PSMD5: variants seen among roughly 807,000 people sequenced by gnomAD.
PSMD5 encodes proteasome 26S subunit, non-ATPase 5.
A neutral mutation model predicts 52.1 loss-of-function variants in PSMD5; 40 were observed. The ratio of observed to expected loss-of-function variants is 0.77; its 90% confidence interval spans 0.60 to 1.00. The LOEUF is 1.00. Among genes scored for constraint, PSMD5 ranks in the 50% least tolerant of loss-of-function variants. The pLI is 0.00. For missense variants in PSMD5, 575 were observed against 605.2 expected (o/e 0.95, Z 0.52); for synonymous variants, 211 against 226.6 (o/e 0.93, Z 0.62).
intron 4 of PSMD5, among the ~76,000 whole-genome samples, chr9:120,829,978 G>A (rs181189569): frequency 1.3e-5 from 2 of 152,326 alleles, no homozygotes; most frequent in South Asian, 2.1e-4. Flanking sequence ...CTGACTGCAT[G>A]AGAAGATAGA....
chr9:120,818,797 A>G (rs1314706210), intron 9 of PSMD5, among the ~76,000 whole-genome samples: 4 of 152,006 alleles, frequency 2.6e-5, no homozygotes, highest in Admixed American at 6.6e-5. Flanking sequence ...TTTTGCACCA[A>G]CCTAATGGAA....
intron 7 of PSMD5, among the ~76,000 whole-genome samples, chr9:120,823,915 T>C (rs748666729): frequency 2.0e-5 from 3 of 152,026 alleles, no homozygotes; most frequent in Non-Finnish European, 2.9e-5. Context: ...GCAGTTGTTA[T>C]GCCATTTTTA....
chr9:120,821,517 A>G, intron 7 of PSMD5, 53 bp from the exon 8 acceptor site: 2 of 1,282,256 alleles, frequency 1.6e-6, no homozygotes, highest in Non-Finnish European at 1.1e-6. Context: ...TATACACAAC[A>G]TAAAATTTAC....
chr9:120,830,592 A>G (rs1328740744), intron 4 of PSMD5, among the ~76,000 whole-genome samples: 2 of 152,200 alleles, frequency 1.3e-5, no homozygotes, highest in Admixed American at 1.3e-4. Context: ...GTATGGTATC[A>G]TGACATGCAA....
intron 1 of PSMD5, among the ~76,000 whole-genome samples, chr9:120,838,341 C>T (rs1197558121): frequency 6.6e-6 from 1 of 152,176 alleles, no homozygotes; most frequent in Admixed American, 6.5e-5. Flanking sequence ...ATTTCAGATC[C>T]TATGTGACCC....
intron 2 of PSMD5, among the ~76,000 whole-genome samples, chr9:120,832,510 C>A (rs1379014372): frequency 6.6e-6 from 1 of 151,802 alleles, no homozygotes; most frequent in African/African-American, 2.4e-5. Context: ...GATTCTCCCA[C>A]CTCAGGCTCC....
chr9:120,837,149 A>G (rs1029344154), intron 1 of PSMD5, among the ~76,000 whole-genome samples: 4 of 152,182 alleles, frequency 2.6e-5, no homozygotes, highest in Non-Finnish European at 5.9e-5. Context: ...TTGGCCTCCC[A>G]AAATGCTGGG....
chr9:120,840,304 G>C (rs577580240), intron 1 of PSMD5, among the ~76,000 whole-genome samples: 42 of 151,710 alleles, frequency 2.8e-4, no homozygotes, highest in Middle Eastern at 3.4e-3. Context: ...TTGTTTTGTA[G>C]AGACAGGGTT....
chr9:120,824,602 C>G lies in PSMD5; in HGVS notation c.898G>C (p.Val300Leu). The change falls in exon 7 of 10, where the codon GTC becomes CTC. Residue 300 changes from valine to leucine, a missense_variant. Transcript: ENST00000210313. ...CERYPIFVEK[V>L]FEMIESQDPT... ...TCCTGACTTTCTATCATTTCAAAGA[C>G]TTTTTCCACAAAGATAGGATAACGC... 1 of 1,614,188 alleles carries G rather than the reference C, an allele frequency of 6.2e-7. No individual in the cohort carries two copies.
intron 1 of PSMD5, among the ~76,000 whole-genome samples, chr9:120,838,186 T>C (rs2045210982): frequency 6.6e-6 from 1 of 152,234 alleles, no homozygotes; most frequent in African/African-American, 2.4e-5. Context: ...ACTATCTTAA[T>C]TGTGGCGATG....
intron 1 of PSMD5, among the ~76,000 whole-genome samples, chr9:120,840,103 G>A: frequency 6.9e-6 from 1 of 145,534 alleles, no homozygotes; most frequent in Admixed American, 6.9e-5. Flanking sequence ...CTCCAGCCTG[G>A]GCAACAGAAC....
At chr9:120,841,946 G>A (rs978463279) in intron 1 of PSMD5, 22 of 152,164 alleles carry the variant, frequency 1.4e-4, no homozygotes, top group African/African-American at 5.1e-4. Context: ...AGGTACCTAG[G>A]TTGTTGCCCA....
At chr9:120,833,508 GTAACAACC>G in intron 1 of PSMD5, 52 bp from the exon 2 acceptor site, 3 of 1,550,560 alleles carry the variant, frequency 1.9e-6, no homozygotes, top group Non-Finnish European at 2.6e-6. Context: ...CAGGTAGGAA[GTAACAACC>G]TAATAATAGC....
Position 120,831,350 on chromosome 9 carries a change from A to T in PSMD5, c.542T>A (p.Val181Asp). The T allele has an allele frequency of 6.2e-7, 1 of 1,610,734 alleles. No homozygotes were observed. Among genetic ancestry groups the T allele is most frequent in the Non-Finnish European group, 8.5e-7 (1 of 1,179,034 alleles). The change falls in exon 4 of 10, where the codon GTT (valine) becomes GAT (aspartate). Residue 181 changes from valine (V) to aspartate (D), a missense_variant. Transcript: ENST00000210313. ...LKSVMKTNDI[V>D]RYRVYELIIE... ...TCTTACCTCATACACCCTGTATCGA[A>T]CAATGTCATTTGTTTTCATTACACT...
At chr9:120,824,352 C>A in intron 7 of PSMD5, 142 bp downstream of exon 7, 5 of 700,716 alleles carry the variant, frequency 7.1e-6, no homozygotes, top group Non-Finnish European at 1.2e-5. Context: ...GATTTTCAGA[C>A]ATGAGTACAA....
chr9:120,833,588 C>T, intron 1 of PSMD5, 132 bp from the exon 2 acceptor site: 1 of 892,188 alleles, frequency 1.1e-6, no homozygotes, highest in East Asian at 2.6e-5. Flanking sequence ...CTTTCACTCA[C>T]CTACTAAACA....
intron 7 of PSMD5, among the ~76,000 whole-genome samples, chr9:120,823,673 G>A (rs2045101955): frequency 6.6e-6 from 1 of 151,760 alleles, no homozygotes; most frequent in Non-Finnish European, 1.5e-5. Context: ...TACCATGCCT[G>A]GTTAATTTTT....
chr9:120,839,466 T>C (rs1372362584), intron 1 of PSMD5, among the ~76,000 whole-genome samples: 1 of 151,902 alleles, frequency 6.6e-6, no homozygotes, highest in African/African-American at 2.4e-5. Context: ...GACCTAGCAA[T>C]AGGGAAAAAA....
intron 4 of PSMD5, among the ~76,000 whole-genome samples, chr9:120,831,093 A>G (rs1248691667): frequency 3.3e-5 from 5 of 152,166 alleles, no homozygotes; most frequent in Non-Finnish European, 4.4e-5. Context: ...TATGTTGCCC[A>G]GGCTGGTCTG....
Sources: gnomAD v4.1 joint callset for allele counts (sites outside exome capture counted in the v4.1 genomes callset) on GRCh38, gnomAD v4.1.1 for gene constraint, MANE v1.5 for transcripts, NCBI Gene and HGNC (gene_info 2026-07-23, HGNC 2026-07-21) for gene names.